MAD1L1: variants seen among roughly 807,000 people sequenced by gnomAD.
MAD1L1 encodes mitotic arrest deficient 1 like 1.
Under a neutral mutation model 96.9 loss-of-function variants are expected in MAD1L1, and 95 were observed. That is an observed-to-expected ratio of 0.98 (90% CI 0.83 to 1.16). MAD1L1 has a LOEUF of 1.16. Among genes scored for constraint, MAD1L1 ranks in the 50% most tolerant of loss-of-function variants. The pLI is 0.00. For synonymous variants in MAD1L1, 473 were observed against 396.6 expected, an observed-to-expected ratio of 1.19 and a Z score of -2.29; for missense variants, 1,007 against 954.4, an observed-to-expected ratio of 1.06 and a Z score of -0.73.
chr7:2,063,042 A>C (rs1398141239), intron 12 of MAD1L1, among the ~76,000 whole-genome samples: 1 of 152,182 alleles, frequency 6.6e-6, no homozygotes, highest in Non-Finnish European at 1.5e-5. Context: ...TAGAAAGAAA[A>C]ATGAGGGAAG....
intron 18 of MAD1L1, among the ~76,000 whole-genome samples, chr7:1,855,029 G>T (rs1784173087): frequency 6.6e-6 from 1 of 152,212 alleles, no homozygotes; most frequent in South Asian, 2.1e-4. Context: ...CACGTGGGCT[G>T]CGGTCCCCTC....
At chr7:1,910,557 T>C (rs1259952223) in intron 17 of MAD1L1, among the ~76,000 whole-genome samples, 4 of 152,120 alleles carry the variant, frequency 2.6e-5, no homozygotes, top group Non-Finnish European at 5.9e-5. Context: ...CATTGGTCAT[T>C]CAGGCTTCAG....
At chr7:2,051,779 C>T (rs1211558969) in intron 12 of MAD1L1, among the ~76,000 whole-genome samples, 3 of 147,728 alleles carry the variant, frequency 2.0e-5, no homozygotes, top group Non-Finnish European at 3.0e-5. Context: ...GCCCTGCGCC[C>T]GCCAGGTCAC....
rs58004689 is a variant in MAD1L1, at chr7:2,160,329, ATTTT to A, written c.987-11095_987-11092del. ...GGCAGGAGGCTTGCCACTGGATCCTATTTTTTTTTTTTTTTTTTTTTGAGACAGA... is the reference window on the plus strand; with the variant it reads ...GGCAGGAGGCTTGCCACTGGATCCTATTTTTTTTTTTTTTTTTGAGACAGA... On this transcript the variant is annotated intron_variant, in intron 10 of 18. Transcript: ENST00000265854. Among the ~76,000 whole-genome samples, 489 of 109,688 alleles carry A rather than the reference ATTTT, an allele frequency of 4.5e-3. 3 individuals are homozygous for A. Among genetic ancestry groups the A allele is most frequent in the African/African-American group, 0.016 (453 of 28,902 alleles). The allele number at this position is 109,688 out of a possible 152,430, so 72.0% of individuals were successfully genotyped here. A position where few individuals can be genotyped will look rare whatever the true frequency, so the allele number is the denominator to read the frequency against.
intron 18 of MAD1L1, among the ~76,000 whole-genome samples, chr7:1,826,067 G>A (rs1439538533): frequency 2.6e-5 from 4 of 152,182 alleles, no homozygotes; most frequent in Non-Finnish European, 4.4e-5. Flanking sequence ...TGCTGAGCCT[G>A]CCGGGTACAG....
At chr7:2,011,140 C>G (rs927724666) in intron 13 of MAD1L1, among the ~76,000 whole-genome samples, 3 of 152,108 alleles carry the variant, frequency 2.0e-5, no homozygotes, top group Admixed American at 2.0e-4. Flanking sequence ...CCCCCCACCC[C>G]CCGACCGTGA....
intron 3 of MAD1L1, among the ~76,000 whole-genome samples, chr7:2,228,383 C>T (rs557313641): frequency 7.9e-5 from 12 of 152,134 alleles, no homozygotes; most frequent in African/African-American, 2.2e-4. Flanking sequence ...CTCAGCCTCC[C>T]GAGTAGGTGG....
intron 11 of MAD1L1, among the ~76,000 whole-genome samples, chr7:2,084,299 T>C (rs1396382254): frequency 6.6e-6 from 1 of 152,098 alleles, no homozygotes; most frequent in East Asian, 1.9e-4. Context: ...TGTCCACAGG[T>C]GTGGCCGGAC....
chr7:1,855,394 T>C (rs1435505669), intron 18 of MAD1L1, among the ~76,000 whole-genome samples: 1 of 151,988 alleles, frequency 6.6e-6, no homozygotes, highest in Non-Finnish European at 1.5e-5. Context: ...TCCTTCTGCT[T>C]GATGCCATCC....
At chr7:2,079,617 T>C (rs1785536764) in intron 11 of MAD1L1, 1 of 470,786 alleles carries the variant, frequency 2.1e-6, no homozygotes, top group Non-Finnish European at 4.4e-6. Context: ...CCTTGAAATG[T>C]GAGAAGGAAA....
intron 18 of MAD1L1, among the ~76,000 whole-genome samples, chr7:1,872,022 G>A (rs942624659): frequency 2.0e-5 from 3 of 152,308 alleles, no homozygotes; most frequent in African/African-American, 7.2e-5. Flanking sequence ...CTGTGTTCCA[G>A]CATGACTCCC....
chr7:1,884,183 G>A (rs1312504377), intron 18 of MAD1L1, among the ~76,000 whole-genome samples: 1 of 152,258 alleles, frequency 6.6e-6, no homozygotes, highest in African/African-American at 2.4e-5. Context: ...CGCAGCCGAG[G>A]CATGCACGGT....
intron 15 of MAD1L1, among the ~76,000 whole-genome samples, chr7:1,960,396 T>C (rs1378885594): frequency 2.0e-5 from 3 of 152,092 alleles, no homozygotes; most frequent in Non-Finnish European, 4.4e-5. Context: ...CAAACTGGAT[T>C]AAAAAGCAAC....
chr7:2,194,825 G>A (rs1024082330), intron 10 of MAD1L1, among the ~76,000 whole-genome samples: 3 of 152,116 alleles, frequency 2.0e-5, no homozygotes, highest in Non-Finnish European at 4.4e-5. Context: ...GATAATCCCA[G>A]CACTTTGGGA....
chr7:1,841,973 CGCCGCGCTCG>C (rs1301481209), intron 18 of MAD1L1, among the ~76,000 whole-genome samples: 2 of 152,220 alleles, frequency 1.3e-5, no homozygotes, highest in African/African-American at 4.8e-5. Flanking sequence ...CCTGCCTGCT[CGCCGCGCTCG>C]GCCGCCATCT....
chr7:2,020,339 C>A (rs1236419648), intron 12 of MAD1L1, among the ~76,000 whole-genome samples: 2 of 152,222 alleles, frequency 1.3e-5, no homozygotes, highest in African/African-American at 4.8e-5. Context: ...CCAGCGTGAC[C>A]CCAGCATTCC....
intron 18 of MAD1L1, among the ~76,000 whole-genome samples, chr7:1,866,628 A>G (rs886389047): frequency 1.3e-5 from 2 of 152,210 alleles, no homozygotes; most frequent in African/African-American, 4.8e-5. Flanking sequence ...CAGGCAGGCA[A>G]CGCAGAGGCC....
intron 11 of MAD1L1, among the ~76,000 whole-genome samples, chr7:2,070,335 A>G (rs1017216332): frequency 1.6e-4 from 25 of 152,188 alleles, no homozygotes; most frequent in Non-Finnish European, 3.4e-4. Flanking sequence ...TGAGGCGCAG[A>G]GAGGAGAGGC....
intron 18 of MAD1L1, among the ~76,000 whole-genome samples, chr7:1,855,961 A>T (rs1391389843): frequency 6.6e-6 from 1 of 152,056 alleles, no homozygotes; most frequent in African/African-American, 2.4e-5. Flanking sequence ...GTGGGAACTC[A>T]AGGCGCCGGC....
Sources: allele counts gnomAD v4.1 joint callset (sites outside exome capture counted in the v4.1 genomes callset), GRCh38; gene constraint gnomAD v4.1.1; transcripts MANE v1.5; gene names NCBI Gene and HGNC (gene_info 2026-07-23, HGNC 2026-07-21).